The following ZNF33B variants were observed in gnomAD, a reference collection of about 807,000 sequenced individuals.
ZNF33B encodes zinc finger protein 11b (KOX 2).
ZNF33B carries 29 observed loss-of-function variants against 45.8 expected under a neutral mutation model. The observed-to-expected ratio is 0.63, with a 90% CI of 0.47 to 0.86. The LOEUF (loss-of-function observed/expected upper bound fraction) is 0.86. Among genes scored for constraint, ZNF33B ranks in the 40% least tolerant of loss-of-function variants. The pLI, the probability that ZNF33B is intolerant of heterozygous loss-of-function variation, is 0.00. For synonymous variants in ZNF33B, 305 were observed against 307.8 expected, an observed-to-expected ratio of 0.99 and a Z score of 0.10; for missense variants, 831 against 909.9, an observed-to-expected ratio of 0.91 and a Z score of 1.12.
At chr10:42,587,076 C>T (rs1836950580), downstream of ZNF33B, among the ~76,000 whole-genome samples, 1 of 152,156 alleles carries the variant, frequency 6.6e-6, no homozygotes, top group African/African-American at 2.4e-5. Context: ...AGTGTGTTCT[C>T]TCCAGCTGGC....
At chr10:42,638,220 CG>C (rs1839425025) in intron 1 of ZNF33B, among the ~76,000 whole-genome samples, 1 of 152,284 alleles carries the variant, frequency 6.6e-6, no homozygotes, top group Non-Finnish European at 1.5e-5. Flanking sequence ...GCTCGGACCG[CG>C]CAAGCGCACA....
chr10:42,634,370 G>A (rs908972453), intron 2 of ZNF33B, among the ~76,000 whole-genome samples: 1 of 151,834 alleles, frequency 6.6e-6, no homozygotes, highest in African/African-American at 2.4e-5. Flanking sequence ...TCGCACCACT[G>A]CACTGCAGCC....
chr10:42,638,365 G>C (rs1391420719), intron 1 of ZNF33B, 109 bp downstream of exon 1: 1 of 314,538 alleles, frequency 3.2e-6, no homozygotes, highest in African/African-American at 2.2e-5. Flanking sequence ...CGGCTTCTCC[G>C]TGAGGTCCCC....
At chr10:42,578,930 A>G (rs1414130196) in intron 1 of ZNF33B, among the ~76,000 whole-genome samples, 1 of 152,214 alleles carries the variant, frequency 6.6e-6, no homozygotes, top group Non-Finnish European at 1.5e-5. Flanking sequence ...TTTCAATTTT[A>G]CAAGGAGTGA....
At chr10:42,606,152 A>T (rs901614982) in intron 4 of ZNF33B, among the ~76,000 whole-genome samples, 2 of 151,976 alleles carry the variant, frequency 1.3e-5, no homozygotes, top group African/African-American at 4.8e-5. Context: ...CAAAAAAAAA[A>T]AAAGAATAAA....
downstream of ZNF33B, among the ~76,000 whole-genome samples, chr10:42,588,688 G>T (rs1836986250): frequency 2.0e-5 from 3 of 152,204 alleles, no homozygotes; most frequent in Non-Finnish European, 1.5e-5. Context: ...AAAAGAAGGG[G>T]TTGTAGTGAG....
chr10:42,626,401 C>T (rs559402089), intron 4 of ZNF33B, among the ~76,000 whole-genome samples: 1 of 152,108 alleles, frequency 6.6e-6, no homozygotes, highest in African/African-American at 2.4e-5. Flanking sequence ...AAGAAATGTT[C>T]CCTCTTGGCC....
At chr10:42,601,944 G>T (rs144413039) in intron 4 of ZNF33B, among the ~76,000 whole-genome samples, 1,750 of 132,400 alleles carry the variant, frequency 0.013, 51 homozygotes, top group African/African-American at 0.048. Context: ...GGGAGACAGG[G>T]TCTCACTCCA....
downstream of ZNF33B, among the ~76,000 whole-genome samples, chr10:42,584,894 G>A (rs1281763812): frequency 6.6e-6 from 1 of 152,184 alleles, no homozygotes; most frequent in Non-Finnish European, 1.5e-5. Flanking sequence ...TTAGGATTAG[G>A]ACAGGAGAAC....
intron 4 of ZNF33B, among the ~76,000 whole-genome samples, chr10:42,623,787 A>C (rs1838689575): frequency 6.6e-6 from 1 of 152,226 alleles, no homozygotes; most frequent in Non-Finnish European, 1.5e-5. Flanking sequence ...ATGCCACTAG[A>C]CTGTACACTT....
chr10:42,632,529 A>C, intron 2 of ZNF33B, 90 bp from the exon 3 acceptor site: 1 of 1,496,826 alleles, frequency 6.7e-7, no homozygotes, highest in South Asian at 1.3e-5. Flanking sequence ...GTTTTGCTTT[A>C]TACTTTTAGG....
At position 42,631,406 on chromosome 10, in the gene ZNF33B, T is replaced by C. The variant is rs192563450; in HGVS notation, c.250+523A>G. On this transcript the variant is annotated intron_variant, in intron 4 of 4. Coordinates refer to ENST00000359467, the MANE Select transcript of ZNF33B (RefSeq NM_006955.3). ...TTTTAGTACAGATGGAGTTTCACCA[T>C]GTTGGCTAGGCTGTTCTCAAACTCC... Among the ~76,000 whole-genome samples the C allele has an allele frequency of 2.6e-4, 40 of 152,258 alleles. No individual in the cohort carries two copies. In the East Asian group the frequency reaches 4.5e-3, roughly 17 times the overall value.
intron 1 of ZNF33B, among the ~76,000 whole-genome samples, chr10:42,581,113 C>T (rs1836815267): frequency 6.6e-6 from 1 of 152,000 alleles, no homozygotes; most frequent in Non-Finnish European, 1.5e-5. Context: ...GAGTTTCAGG[C>T]AGGCCAAGTG....
At chr10:42,627,301 G>A (rs569108377) in intron 4 of ZNF33B, among the ~76,000 whole-genome samples, 1 of 152,232 alleles carries the variant, frequency 6.6e-6, no homozygotes, top group Admixed American at 6.5e-5. Context: ...ACCACACCTG[G>A]CCTATGTTGT....
chr10:42,625,543 G>C (rs1322647014), intron 4 of ZNF33B, among the ~76,000 whole-genome samples: 1 of 152,092 alleles, frequency 6.6e-6, no homozygotes, highest in Non-Finnish European at 1.5e-5. Flanking sequence ...GCAATGGTGT[G>C]AGCTCGGCTC....
chr10:42,574,174 T>C (rs1397784901), downstream of ZNF33B: 1 of 151,860 alleles, frequency 6.6e-6, no homozygotes, highest in Non-Finnish European at 1.5e-5. Flanking sequence ...ACTTTTTTTT[T>C]TTTTTTTTTT....
chr10:42,605,540 T>G (rs1438688308), intron 4 of ZNF33B, among the ~76,000 whole-genome samples: 1 of 151,804 alleles, frequency 6.6e-6, no homozygotes, highest in Non-Finnish European at 1.5e-5. Context: ...AAAAAACAAA[T>G]AGAAACCAAA....
chr10:42,575,835 T>C (rs902866156), intron 1 of ZNF33B, among the ~76,000 whole-genome samples: 3 of 151,442 alleles, frequency 2.0e-5, no homozygotes, highest in African/African-American at 7.3e-5. Flanking sequence ...GCTCAAGCGA[T>C]TCTCGTGCCT....
chr10:42,632,533 T>G, intron 2 of ZNF33B, 94 bp from the exon 3 acceptor site: 2 of 1,467,192 alleles, frequency 1.4e-6, no homozygotes, highest in Non-Finnish European at 1.8e-6. Context: ...TGCTTTATAC[T>G]TTTAGGGAAA....
Sources: allele counts gnomAD v4.1 joint callset (sites outside exome capture counted in the v4.1 genomes callset), GRCh38; gene constraint gnomAD v4.1.1; transcripts MANE v1.5; gene names NCBI Gene and HGNC (gene_info 2026-07-23, HGNC 2026-07-21).